The following PREX2 variants were observed in gnomAD, a reference collection of about 807,000 sequenced individuals.
PREX2 encodes the protein phosphatidylinositol 3,4,5-trisphosphate-dependent Rac exchanger 2 protein.
In PREX2, 107 loss-of-function variants were observed where a neutral mutation model predicts 203.2. That is an observed-to-expected ratio of 0.53 (90% confidence interval 0.45 to 0.62). The LOEUF (loss-of-function observed/expected upper bound fraction) is 0.62, where lower values mean the gene tolerates loss of function less well. PREX2 is among the 20% of genes least tolerant of loss of function. PREX2 has a pLI of 0.00. For synonymous variants in PREX2, 672 were observed against 663.6 expected, an observed-to-expected ratio of 1.01 and a Z score of -0.19; for missense variants, 1,777 against 1,955.9, an observed-to-expected ratio of 0.91 and a Z score of 1.72.
At chr8:68,126,571 A>G (rs1384030500) in intron 30 of PREX2, among the ~76,000 whole-genome samples, 1 of 152,054 alleles carries the variant, frequency 6.6e-6, no homozygotes, top group Non-Finnish European at 1.5e-5. Context: ...TATTTCCTGC[A>G]TTTCTTTTCA....
chr8:68,138,373 T>C, intron 32 of PREX2, 42 bp from the exon 33 acceptor site: 1 of 1,069,378 alleles, frequency 9.4e-7, no homozygotes, highest in Non-Finnish European at 1.4e-6. Context: ...TTATATTGCT[T>C]TATATCATCT....
At chr8:68,037,551 T>C (rs1337786309) in intron 6 of PREX2, among the ~76,000 whole-genome samples, 1 of 152,196 alleles carries the variant, frequency 6.6e-6, no homozygotes, top group African/African-American at 2.4e-5. Context: ...AGAATTGCCT[T>C]TGTCACTAGT....
At chr8:67,960,586 GGGATGGCT>G (rs1418779807) in intron 1 of PREX2, among the ~76,000 whole-genome samples, 1 of 152,138 alleles carries the variant, frequency 6.6e-6, no homozygotes, top group Non-Finnish European at 1.5e-5. Context: ...CCACCAGGGA[GGGATGGCT>G]TTCCTCCAGA....
At chr8:68,184,906 C>A (rs1812159433) in intron 35 of PREX2, among the ~76,000 whole-genome samples, 1 of 152,132 alleles carries the variant, frequency 6.6e-6, no homozygotes, top group African/African-American at 2.4e-5. Flanking sequence ...CCCTGGAGCA[C>A]CAGCTTAACC....
Position 68,233,043 on chromosome 8 carries a change from A to T in PREX2, c.*1665A>T, listed in dbSNP as rs1813197711. On this transcript the variant is annotated 3_prime_UTR_variant, in exon 40 of 40. Transcript: ENST00000288368. ...TTACATGTGTAGGCAATATGTGTAT[A>T]CTACTAGGTAAGGTAATAATAATTG... 1 of 152,240 alleles carries T rather than the reference A, an allele frequency of 6.6e-6. No homozygotes were observed. The highest frequency in any genetic ancestry group is 2.4e-5 in the African/African-American group (1 of 41,456). The allele number at this position is 152,240 out of a possible 1,614,324, so 9.4% of individuals were successfully genotyped here. A position where few individuals can be genotyped will look rare whatever the true frequency, so the allele number is the denominator to read the frequency against.
chr8:68,212,435 A>G (rs1812757726), intron 37 of PREX2, among the ~76,000 whole-genome samples: 1 of 152,236 alleles, frequency 6.6e-6, no homozygotes, highest in African/African-American at 2.4e-5. Flanking sequence ...CACTGGAGTA[A>G]TGGAGACTTG....
intron 33 of PREX2, among the ~76,000 whole-genome samples, chr8:68,142,193 T>G (rs1202825685): frequency 3.3e-5 from 5 of 152,166 alleles, no homozygotes; most frequent in Non-Finnish European, 7.4e-5. Context: ...ATTCCCTGGA[T>G]CTGGACAAAT....
chr8:68,026,088 G>A lies in PREX2; in HGVS notation c.442-1134G>A, dbSNP rs142253293. ...GTTTGAAAGAATATTTTGATAACCC[G>A]ATTGCAGTAGGGAGTGAAACCCCCA... On this transcript the variant is annotated intron_variant, in intron 4 of 39. Transcript: ENST00000288368. Among the ~76,000 whole-genome samples the A allele has an allele frequency of 5.7e-4, 87 of 152,202 alleles. 1 individual carries two copies. Among genetic ancestry groups the A allele is most frequent in the Non-Finnish European group, 8.8e-4 (60 of 67,980 alleles).
chr8:68,091,380 A>C (rs1052954024), intron 20 of PREX2, among the ~76,000 whole-genome samples: 1 of 152,254 alleles, frequency 6.6e-6, no homozygotes, highest in Non-Finnish European at 1.5e-5. Context: ...GAGTATTGGC[A>C]TATAAAAGAA....
intron 1 of PREX2, among the ~76,000 whole-genome samples, chr8:67,997,586 G>T (rs1806804701): frequency 6.6e-6 from 1 of 151,816 alleles, no homozygotes; most frequent in South Asian, 2.1e-4. Context: ...AGATTGTTTT[G>T]CCCATTCTAA....
intron 20 of PREX2, among the ~76,000 whole-genome samples, chr8:68,091,577 A>G (rs969700960): frequency 2.1e-4 from 32 of 152,216 alleles, no homozygotes; most frequent in Admixed American, 1.6e-3. Context: ...TGCTGAATCT[A>G]CATGAAAATA....
chr8:68,196,266 T>A (rs972652217), intron 37 of PREX2, among the ~76,000 whole-genome samples: 3 of 150,672 alleles, frequency 2.0e-5, no homozygotes, highest in African/African-American at 7.3e-5. Context: ...TAATATAATT[T>A]AATTTTTGCT....
intron 7 of PREX2, among the ~76,000 whole-genome samples, chr8:68,038,820 G>A (rs570509273): frequency 1.6e-4 from 24 of 152,128 alleles, no homozygotes; most frequent in Middle Eastern, 6.8e-3. Flanking sequence ...TTGCCATTTT[G>A]GGGGTGTTCA....
chr8:68,023,792 T>C (rs774934181), intron 4 of PREX2, among the ~76,000 whole-genome samples: 2 of 152,100 alleles, frequency 1.3e-5, no homozygotes, highest in African/African-American at 2.4e-5. Flanking sequence ...TGCTAATATA[T>C]GGAAATTTAA....
intron 1 of PREX2, among the ~76,000 whole-genome samples, chr8:68,008,742 A>G (rs540840124): frequency 6.6e-6 from 1 of 152,206 alleles, no homozygotes; most frequent in South Asian, 2.1e-4. Context: ...GTGATAGTGA[A>G]TAAATCTCAT....
intron 25 of PREX2, among the ~76,000 whole-genome samples, chr8:68,115,095 T>C (rs1218460499): frequency 7.1e-6 from 1 of 141,102 alleles, no homozygotes; most frequent in Non-Finnish European, 1.5e-5. Flanking sequence ...TGGCACGATC[T>C]CGGCTCACCA....
At position 67,978,633 on chromosome 8, in the gene PREX2, A is replaced by C. The variant is rs149660524; in HGVS notation, c.141+26098A>C. 7.9e-3 allele frequency among the ~76,000 whole-genome samples: 1,198 copies of C among 152,250 alleles called. 17 individuals are homozygous for C. The highest frequency in any genetic ancestry group is 0.026 in the African/African-American group (1,083 of 41,540). On this transcript the variant is annotated intron_variant, in intron 1 of 39. Transcript: ENST00000288368. Reference sequence around the variant, plus strand: ...CTTGGTGGATATTTGGGTAGTTTCCAGTTGTCGACTATTGTGGATAGTTCA... The same window carrying C: ...CTTGGTGGATATTTGGGTAGTTTCCCGTTGTCGACTATTGTGGATAGTTCA...
In PREX2 at chr8:68,080,735, T is replaced by C; in HGVS notation, c.1786-11T>C. On this transcript the variant is annotated splice_polypyrimidine_tract_variant and intron_variant, in intron 16 of 39. Transcript: ENST00000288368. Reference sequence around the variant, plus strand: ...TTGCTTTATCAATAATGTTAATATTTTGCATTTCAGATTAAATCCAATGAA... The same window carrying C: ...TTGCTTTATCAATAATGTTAATATTCTGCATTTCAGATTAAATCCAATGAA... 1 of 1,528,988 alleles carries C rather than the reference T, an allele frequency of 6.5e-7. No homozygotes were observed. The highest frequency in any genetic ancestry group is 8.9e-7 in the Non-Finnish European group (1 of 1,120,492). The allele number at this position is 1,528,988 out of a possible 1,614,324, so 94.7% of individuals were successfully genotyped here. A position where few individuals can be genotyped will look rare whatever the true frequency, so the allele number is the denominator to read the frequency against.
intron 38 of PREX2, among the ~76,000 whole-genome samples, chr8:68,220,818 T>A (rs912670931): frequency 1.3e-5 from 2 of 152,182 alleles, no homozygotes; most frequent in African/African-American, 4.8e-5. Flanking sequence ...GGCGAAGGGC[T>A]TCATGCAGAA....
Sources: allele counts gnomAD v4.1 joint callset (sites outside exome capture counted in the v4.1 genomes callset), GRCh38; gene constraint gnomAD v4.1.1; transcripts MANE v1.5; gene names NCBI Gene and HGNC (gene_info 2026-07-23, HGNC 2026-07-21).